P2RY10: variants seen among roughly 807,000 people sequenced by gnomAD.
P2RY10 encodes P2Y receptor family member 10, also known as putative P2Y purinoceptor 10.
A neutral mutation model predicts 12.1 loss-of-function variants in P2RY10; 4 were observed. The ratio of observed to expected loss-of-function variants is 0.33; its 90% CI spans 0.16 to 0.76. The LOEUF (loss-of-function observed/expected upper bound fraction) is 0.76. Among genes scored for constraint, P2RY10 ranks in the 30% least tolerant of loss-of-function variants. The pLI is 0.61. For missense variants in P2RY10, 233 were observed against 264.6 expected, an observed-to-expected ratio of 0.88 and a Z score of 0.83; for synonymous variants, 112 against 94.1, an observed-to-expected ratio of 1.19 and a Z score of -1.10.
At chrX:78,950,415 T>C (rs747470290) in intron 2 of P2RY10, among the ~76,000 whole-genome samples, 4 of 111,388 alleles carry the variant, frequency 3.6e-5, no homozygotes, top group Non-Finnish European at 7.5e-5. Flanking sequence ...ACAAAGAGTA[T>C]ATAAAATTAC....
chrX:78,949,857 G>T (rs747353170), intron 2 of P2RY10, among the ~76,000 whole-genome samples: 98 of 111,829 alleles, frequency 8.8e-4, no homozygotes, highest in Non-Finnish European at 1.5e-3. Context: ...GGTTCTGGTT[G>T]TAAGCGGCTG....
At position 78,958,783 on chromosome X, in the gene P2RY10, T is replaced by A. The variant is rs747422177; in HGVS notation, c.-13-1725T>A. On this transcript the variant is annotated intron_variant, in intron 3 of 3. Transcript: ENST00000171757. ...TACATAAGCAAGATGACTGCATGAC[T>A]GTTTAAGATGTATCACAAATAAGAG... Among the ~76,000 whole-genome samples, 3 of 112,042 alleles carry A rather than the reference T, an allele frequency of 2.7e-5. No homozygotes were observed. The East Asian group carries it at 8.4e-4, about 31-fold the overall frequency.
intron 3 of P2RY10, among the ~76,000 whole-genome samples, chrX:78,957,383 CACACAGAGAGAG>C (rs1347868514): frequency 2.1e-4 from 21 of 97,718 alleles, no homozygotes; most frequent in Non-Finnish European, 3.6e-4. Flanking sequence ...CACACACACA[CACACAGAGAGAG>C]AGAGAGAGAG....
intron 3 of P2RY10, among the ~76,000 whole-genome samples, chrX:78,957,387 C>CACACACACACACAG (rs760263078): frequency 7.9e-5 from 6 of 75,811 alleles, no homozygotes; most frequent in Non-Finnish European, 1.6e-4. Flanking sequence ...CACACACACA[C>CACACACACACACAG]AGAGAGAGAG....
chrX:78,955,967 A>G (rs746534293), intron 3 of P2RY10, among the ~76,000 whole-genome samples: 8 of 111,643 alleles, frequency 7.2e-5, no homozygotes, highest in Non-Finnish European at 1.3e-4. Context: ...ATTTCCCTTT[A>G]TGTTTTCTTT....
At chrX:78,958,406 C>G (rs1037606603) in intron 3 of P2RY10, among the ~76,000 whole-genome samples, 1 of 111,944 alleles carries the variant, frequency 8.9e-6, no homozygotes, top group Non-Finnish European at 1.9e-5. Context: ...GTTAAGACAG[C>G]CAAATTCTAC....
Position 78,961,503 on chromosome X carries a change from T to G in P2RY10, c.983T>G (p.Leu328Arg). The G allele has an allele frequency of 8.3e-7, 1 of 1,207,251 alleles. No homozygotes were observed. The highest frequency in any genetic ancestry group is 1.1e-6 in the Non-Finnish European group (1 of 892,636). Residue 328 changes from leucine to arginine, a missense_variant, in exon 4 of 4, where the codon CTC becomes CGC. Leu to Arg is a moderately radical substitution (Grantham distance 102). Transcript: ENST00000171757. ...RHGSSVTRSR[L>R]MSKESGSSMI... Reference sequence around the variant, plus strand: ...GGCAGTTCTGTGACCCGCTCCCGCCTCATGAGCAAGGAGAGTGGTTCATCA... The same window carrying G: ...GGCAGTTCTGTGACCCGCTCCCGCCGCATGAGCAAGGAGAGTGGTTCATCA...
intron 1 of P2RY10, among the ~76,000 whole-genome samples, chrX:78,947,268 A>G (rs986427930): frequency 1.8e-5 from 2 of 111,722 alleles, no homozygotes; most frequent in Non-Finnish European, 3.8e-5. Context: ...GCTCTCTGTC[A>G]TGGCTCAAGC....
Position 78,961,838 on chromosome X carries a change from A to T in P2RY10, c.*298A>T, listed in dbSNP as rs916093360. 37 of 209,216 alleles carry T rather than the reference A, an allele frequency of 1.8e-4. No homozygotes were observed. The highest frequency in any genetic ancestry group is 9.8e-4 in the African/African-American group (33 of 33,748). 17.2% of individuals were successfully genotyped at this position (209,216 alleles called of 1,213,427 possible). On this transcript the variant is annotated 3_prime_UTR_variant, in exon 4 of 4. Transcript: ENST00000171757. ...ATAAAAGTTGAATAGTTTACCTTAA[A>T]TTTTTTTCAATAAGTAAGTTATTGT...
At chrX:78,953,397 T>G (rs1922193855) in intron 3 of P2RY10, among the ~76,000 whole-genome samples, 2 of 111,538 alleles carry the variant, frequency 1.8e-5, no homozygotes, top group Admixed American at 1.9e-4. Flanking sequence ...ATTTGAAGAG[T>G]TAGGAATTGA....
intron 2 of P2RY10, among the ~76,000 whole-genome samples, chrX:78,951,172 A>G (rs541611084): frequency 3.6e-5 from 4 of 112,020 alleles, no homozygotes; most frequent in African/African-American, 9.7e-5. Flanking sequence ...CTCAGCTCCA[A>G]TGAATCATAT....
intron 1 of P2RY10, among the ~76,000 whole-genome samples, chrX:78,946,952 C>T (rs377407304): frequency 1.6e-4 from 18 of 111,819 alleles, no homozygotes; most frequent in South Asian, 1.5e-3. Context: ...TGGTGGCTCA[C>T]GCTGTAATTC....
rs1234401141 is a variant in P2RY10, at chrX:78,963,246, C to CA, written c.*1713dup. Among the ~76,000 whole-genome samples the CA allele has an allele frequency of 1.8e-5, 2 of 111,370 alleles. No homozygotes were observed. The highest frequency in any genetic ancestry group is 3.3e-5 in the African/African-American group (1 of 30,704). Reference sequence around the variant, plus strand: ...AGAGTGACTATGGAAGAATGAATAGCAAAAAAAGGAGAATTTTTTTAAAAA... The same window carrying CA: ...AGAGTGACTATGGAAGAATGAATAGCAAAAAAAAGGAGAATTTTTTTAAAAA... On this transcript the variant is annotated 3_prime_UTR_variant, in exon 4 of 4. Transcript: ENST00000171757.
intron 2 of P2RY10, among the ~76,000 whole-genome samples, chrX:78,950,616 G>C (rs961428250): frequency 3.6e-5 from 4 of 111,298 alleles, no homozygotes; most frequent in African/African-American, 1.3e-4. Context: ...AAAGAACGTT[G>C]GTTTTGATAT....
chrX:78,958,022 T>G, intron 3 of P2RY10, among the ~76,000 whole-genome samples: 1 of 111,894 alleles, frequency 8.9e-6, no homozygotes, highest in South Asian at 3.7e-4. Flanking sequence ...TGATGGATCT[T>G]TCTTTGCTCT....
chrX:78,952,431 G>A (rs1922146733), intron 3 of P2RY10, 96 bp downstream of exon 3: 1 of 456,773 alleles, frequency 2.2e-6, no homozygotes, highest in Non-Finnish European at 2.7e-6. Context: ...CAGAAGTACT[G>A]ACTGAAGTGA....
chrX:78,955,636 A>G (rs986231510), intron 3 of P2RY10, among the ~76,000 whole-genome samples: 1 of 112,383 alleles, frequency 8.9e-6, no homozygotes, highest in African/African-American at 3.2e-5. Context: ...GGATCTGAGA[A>G]AAGCATAGAA....
At chrX:78,950,432 C>T (rs1922055034) in intron 2 of P2RY10, among the ~76,000 whole-genome samples, 1 of 110,744 alleles carries the variant, frequency 9.0e-6, no homozygotes, top group African/African-American at 3.3e-5. Flanking sequence ...TTACTGAAAT[C>T]CAAGTATCTT....
rs1200210072 is a variant in P2RY10, at chrX:78,952,257, GTGAAAAGGCATC to G, written c.-90_-79del. ...ACTCACCAACATACCCTTCTTTCAA[GTGAAAAGGCATC>G]TCTTTTAATGGTCCTGACCTTTGGA... On this transcript the variant is annotated 5_prime_UTR_variant, in exon 3 of 4. It removes the in-frame stop codon of an upstream open reading frame in the 5' UTR. Coordinates refer to ENST00000171757, the MANE Select transcript of P2RY10 (RefSeq NM_014499.4). The G allele has an allele frequency of 1.9e-5, 14 of 745,672 alleles. No individual in the cohort carries two copies. The highest frequency in any genetic ancestry group is 2.2e-5 in the Non-Finnish European group (14 of 632,925). 61.5% of individuals were successfully genotyped at this position (745,672 alleles called of 1,213,427 possible). A position where few individuals can be genotyped will look rare whatever the true frequency, so the allele number is the denominator to read the frequency against.
Sources: allele counts gnomAD v4.1 joint callset (sites outside exome capture counted in the v4.1 genomes callset), GRCh38; gene constraint gnomAD v4.1.1; transcripts MANE v1.5; gene names NCBI Gene and HGNC (gene_info 2026-07-23, HGNC 2026-07-21).